PRKN: variants seen among roughly 807,000 people sequenced by gnomAD.
The protein encoded by PRKN is E3 ubiquitin-protein ligase parkin.
Under a neutral mutation model 59.5 loss-of-function variants are expected in PRKN, and 56 were observed. The observed-to-expected ratio is 0.94, with a 90% confidence interval of 0.76 to 1.18. The LOEUF is 1.18. Among genes scored for constraint, PRKN ranks in the 50% most tolerant of loss-of-function variants. The pLI, the probability that PRKN is intolerant of heterozygous loss-of-function variation, is 0.00. For missense variants in PRKN, 657 were observed against 596.4 expected, an observed-to-expected ratio of 1.10 and a Z score of -1.06; for synonymous variants, 250 against 222.1, an observed-to-expected ratio of 1.13 and a Z score of -1.12.
chr6:161,802,659 C>T (rs942387625), intron 6 of PRKN, among the ~76,000 whole-genome samples: 14 of 152,152 alleles, frequency 9.2e-5, no homozygotes, highest in South Asian at 2.1e-4. Flanking sequence ...TCATGTAAAA[C>T]GGTGGTGACC....
intron 4 of PRKN, among the ~76,000 whole-genome samples, chr6:162,128,203 A>G (rs1210210004): frequency 3.3e-5 from 5 of 152,222 alleles, no homozygotes; most frequent in Non-Finnish European, 5.9e-5. Context: ...CAGCATTGCC[A>G]GTACCTTACT....
chr6:162,593,102 A>T lies in PRKN; in HGVS notation c.7+134560T>A, dbSNP rs578145766. Among the ~76,000 whole-genome samples, 106 of 152,308 alleles carry T rather than the reference A, an allele frequency of 7.0e-4. 1 individual carries two copies. The highest frequency in any genetic ancestry group is 2.5e-3 in the African/African-American group (102 of 41,582). On this transcript the variant is annotated intron_variant, in intron 1 of 11. Coordinates refer to ENST00000366898, the MANE Select transcript of PRKN (RefSeq NM_004562.3). ...AAAGCATTAACTCTTCTACTGTCTGAATGTGGAAAGCAATTATATACGAAA... is the reference window on the plus strand; with the variant it reads ...AAAGCATTAACTCTTCTACTGTCTGTATGTGGAAAGCAATTATATACGAAA...
intron 1 of PRKN, among the ~76,000 whole-genome samples, chr6:162,590,015 A>G (rs34066731): frequency 0.1 from 15,562 of 152,232 alleles, 938 homozygotes; most frequent in Middle Eastern, 0.19. Flanking sequence ...TGTGAATGAG[A>G]CACCAAGTAA....
chr6:162,058,081 A>G (rs1777939303), intron 4 of PRKN, among the ~76,000 whole-genome samples: 1 of 152,212 alleles, frequency 6.6e-6, no homozygotes, highest in Admixed American at 6.5e-5. Flanking sequence ...CTTTACGGAC[A>G]CTACAAATCA....
At chr6:162,374,772 T>C (rs551597897) in intron 2 of PRKN, among the ~76,000 whole-genome samples, 3 of 152,184 alleles carry the variant, frequency 2.0e-5, no homozygotes, top group African/African-American at 7.2e-5. Flanking sequence ...TGAGAAAATA[T>C]AGTATTTTGG....
Position 161,613,367 on chromosome 6 carries a change from AT to A in PRKN, c.872-43952del, listed in dbSNP as rs60633901. 8.7e-4 allele frequency among the ~76,000 whole-genome samples: 129 copies of A among 148,728 alleles called. 1 individual carries two copies. The highest frequency in any genetic ancestry group is 1.4e-3 in the Non-Finnish European group (93 of 66,910). ...AGTTGCTTCTTATGGATGCGCAAAG[AT>A]TTTTTTTTTTTAAGTTGGAATCTAC... On this transcript the variant is annotated intron_variant, in intron 7 of 11. Transcript: ENST00000366898.
intron 4 of PRKN, among the ~76,000 whole-genome samples, chr6:162,102,209 C>T (rs1780000483): frequency 6.6e-6 from 1 of 151,942 alleles, no homozygotes; most frequent in Admixed American, 6.6e-5. Context: ...CCCCAGTAGG[C>T]CCCAGTGTGT....
At chr6:162,048,310 TTTTA>T (rs895217864) in intron 5 of PRKN, among the ~76,000 whole-genome samples, 4 of 152,192 alleles carry the variant, frequency 2.6e-5, no homozygotes, top group Admixed American at 2.6e-4. Context: ...TTTCTTTCTT[TTTTA>T]TTTGAGTAAA....
intron 4 of PRKN, among the ~76,000 whole-genome samples, chr6:162,153,352 A>G (rs1052423806): frequency 6.6e-6 from 1 of 151,994 alleles, no homozygotes; most frequent in Non-Finnish European, 1.5e-5. Context: ...CCCCAGCAGG[A>G]GCAAATCATG....
rs529580837 is a variant in PRKN at position 161,348,567 on chromosome 6, T to C, written c.*1532A>G. On this transcript the variant is annotated 3_prime_UTR_variant, in exon 12 of 12. Transcript: ENST00000366898. This position sits in a 1 kb window ranked among gnomAD's most constrained non-coding sequence, Gnocchi z 4.9. ...GAAGAAATGGGTTATCTTAGGCAGT[T>C]AGGAAAAGAGGGACAGGTGTCCCAG... 17 of 207,362 alleles carry C rather than the reference T, an allele frequency of 8.2e-5. No homozygotes were observed. Among genetic ancestry groups the C allele is most frequent in the African/African-American group, 3.9e-4 (17 of 43,918 alleles). The allele number at this position is 207,362 out of a possible 1,614,324, so 12.8% of individuals were successfully genotyped here.
intron 2 of PRKN, among the ~76,000 whole-genome samples, chr6:162,427,643 TG>T (rs1158395129): frequency 6.6e-6 from 1 of 150,696 alleles, no homozygotes; most frequent in African/African-American, 2.5e-5. Flanking sequence ...GGTAAATAAA[TG>T]TTTTTTTTTC....
At chr6:162,305,935 C>A (rs547690369) in intron 2 of PRKN, among the ~76,000 whole-genome samples, 13 of 151,998 alleles carry the variant, frequency 8.6e-5, no homozygotes, top group African/African-American at 3.1e-4. Context: ...ATGTTGATAT[C>A]ATCTCTTTTC....
chr6:161,482,046 CAAT>C (rs1372260169), intron 9 of PRKN, among the ~76,000 whole-genome samples: 1 of 152,040 alleles, frequency 6.6e-6, no homozygotes, highest in Non-Finnish European at 1.5e-5. Context: ...CATACTGTAT[CAAT>C]GATGAATTCA....
At chr6:161,771,808 T>C (rs1395244934) in intron 7 of PRKN, among the ~76,000 whole-genome samples, 2 of 152,160 alleles carry the variant, frequency 1.3e-5, no homozygotes, top group Non-Finnish European at 2.9e-5. Context: ...TTGGTATGCA[T>C]TGAAAACATG....
rs1180636201 is a variant in PRKN, at chr6:162,390,396, T to TATATATATATATATAC, written c.171+52913_171+52914insGTATATATATATATAT. On this transcript the variant is annotated intron_variant, in intron 2 of 11. Coordinates refer to ENST00000366898, the MANE Select transcript of PRKN (RefSeq NM_004562.3). Reference sequence around the variant, plus strand: ...TAAGGTATATATATATATATATATATACACACACACACACACACACACACA... The same window carrying TATATATATATATATAC: ...TAAGGTATATATATATATATATATATATATATATATATATACACACACACACACACACACACACACA... Among the ~76,000 whole-genome samples the TATATATATATATATAC allele has an allele frequency of 1.2e-3, 97 of 84,092 alleles. 3 individuals are homozygous for TATATATATATATATAC. The highest frequency in any genetic ancestry group is 1.8e-3 in the Non-Finnish European group (76 of 41,500). The allele number at this position is 84,092 out of a possible 152,430, so 55.2% of individuals were successfully genotyped here.
At chr6:161,778,140 A>G (rs1315721199) in intron 7 of PRKN, among the ~76,000 whole-genome samples, 1 of 152,038 alleles carries the variant, frequency 6.6e-6, no homozygotes, top group Non-Finnish European at 1.5e-5. Flanking sequence ...GAACAGTGCC[A>G]TGCATGGGAC....
intron 7 of PRKN, among the ~76,000 whole-genome samples, chr6:161,761,726 G>A (rs1187567105): frequency 1.3e-5 from 2 of 152,162 alleles, no homozygotes; most frequent in Non-Finnish European, 2.9e-5. Flanking sequence ...TCAGTCCAAG[G>A]CTTGTATCAC....
intron 7 of PRKN, among the ~76,000 whole-genome samples, chr6:161,710,655 T>C (rs1786699948): frequency 6.6e-6 from 1 of 152,178 alleles, no homozygotes; most frequent in Non-Finnish European, 1.5e-5. Flanking sequence ...AGAGAACTGT[T>C]CTAGGCCATC....
chr6:161,549,030 C>T lies in PRKN; in HGVS notation c.934-27G>A, dbSNP rs1583215709. On this transcript the variant is annotated intron_variant, in intron 8 of 11. Transcript: ENST00000366898. The surrounding 1 kb of genome is among the most constrained non-coding windows in gnomAD (Gnocchi z 6.0). ...TGCAAAACCCAAAAAGCAGATTGAGCTTTCAAACTGACTGCAAATTTCAGC... is the reference window on the plus strand; with the variant it reads ...TGCAAAACCCAAAAAGCAGATTGAGTTTTCAAACTGACTGCAAATTTCAGC... 1.2e-6 allele frequency: 2 copies of T among 1,614,000 alleles called. No homozygotes were observed. Among genetic ancestry groups the T allele is most frequent in the South Asian group, 2.2e-5 (2 of 91,068 alleles).
Sources: gnomAD v4.1 joint callset for allele counts (sites outside exome capture counted in the v4.1 genomes callset) on GRCh38, gnomAD v4.1.1 for gene constraint, Gnocchi (gnomAD v3.1) non-coding constraint, MANE v1.5 for transcripts, NCBI Gene and HGNC (gene_info 2026-07-23, HGNC 2026-07-21) for gene names.